NRCAM: variants seen among roughly 807,000 people sequenced by gnomAD.
NRCAM encodes NgCAM-related cell adhesion molecule.
A neutral mutation model predicts 156.5 loss-of-function variants in NRCAM; 83 were observed. The observed-to-expected ratio is 0.53, with a 90% CI of 0.44 to 0.64. The LOEUF is 0.64. NRCAM is among the 30% of genes least tolerant of loss of function. The pLI is 0.00. For missense variants in NRCAM, 1,417 were observed against 1,597.3 expected, an observed-to-expected ratio of 0.89 and a Z score of 1.92; for synonymous variants, 538 against 563.9, an observed-to-expected ratio of 0.95 and a Z score of 0.65.
intron 1 of NRCAM, among the ~76,000 whole-genome samples, chr7:108,411,435 T>A (rs936320253): frequency 2.0e-5 from 3 of 152,326 alleles, no homozygotes; most frequent in East Asian, 3.9e-4. Flanking sequence ...TCTCTATAAC[T>A]GGGTTGATGT....
intron 3 of NRCAM, among the ~76,000 whole-genome samples, chr7:108,301,646 G>C (rs920949192): frequency 6.6e-6 from 1 of 151,950 alleles, no homozygotes; most frequent in Non-Finnish European, 1.5e-5. Context: ...GAAGTAGAAG[G>C]GAAATTAGAT....
chr7:108,181,948 G>A lies in NRCAM; in HGVS notation c.2531-11C>T, dbSNP rs748673749. 1 of 1,573,306 alleles carries A rather than the reference G, an allele frequency of 6.4e-7. No homozygotes were observed. The highest frequency in any genetic ancestry group is 8.7e-7 in the Non-Finnish European group (1 of 1,143,814). On this transcript the variant is annotated splice_polypyrimidine_tract_variant and intron_variant, in intron 23 of 32. Transcript: ENST00000379028. Reference sequence around the variant, plus strand: ...GAGCCACCATTGGGACTAGGAAAAGGACAGGGAAGTGGTAGAAGTATCAAT... The same window carrying A: ...GAGCCACCATTGGGACTAGGAAAAGAACAGGGAAGTGGTAGAAGTATCAAT...
At chr7:108,383,169 C>T (rs2099709686) in intron 2 of NRCAM, among the ~76,000 whole-genome samples, 1 of 151,642 alleles carries the variant, frequency 6.6e-6, no homozygotes, top group Non-Finnish European at 1.5e-5. Context: ...TTGGTGTTGC[C>T]TAGGCAAACA....
Position 108,175,315 on chromosome 7 carries a change from A to G in NRCAM, c.3187+7T>C. ...ATGTATAAAGTCATGCAGATGAATT[A>G]TTTTACCTTTGCCTGCACCTACATC... On this transcript the variant is annotated splice_region_variant and intron_variant, in intron 28 of 32. Transcript: ENST00000379028. The G allele has an allele frequency of 1.3e-6, 2 of 1,556,396 alleles. No homozygotes were observed. Among genetic ancestry groups the G allele is most frequent in the Non-Finnish European group, 8.7e-7 (1 of 1,149,314 alleles).
chr7:108,345,969 A>C (rs1233692899), intron 2 of NRCAM, among the ~76,000 whole-genome samples: 3 of 152,228 alleles, frequency 2.0e-5, no homozygotes, highest in African/African-American at 7.2e-5. Context: ...TGTGGGCTGT[A>C]GGAGCCTCTG....
chr7:108,277,744 C>T (rs1181545905), intron 3 of NRCAM, among the ~76,000 whole-genome samples: 1 of 152,072 alleles, frequency 6.6e-6, no homozygotes, highest in African/African-American at 2.4e-5. Context: ...TCTGTCAACT[C>T]GTCAAACTCA....
intron 32 of NRCAM, among the ~76,000 whole-genome samples, chr7:108,151,076 A>G (rs2150891163): frequency 1.3e-5 from 2 of 152,216 alleles, no homozygotes; most frequent in Non-Finnish European, 2.9e-5. Context: ...CATTATTACA[A>G]TTTTTGCTTA....
intron 2 of NRCAM, among the ~76,000 whole-genome samples, chr7:108,392,087 G>A (rs1183098572): frequency 6.6e-6 from 1 of 152,142 alleles, no homozygotes; most frequent in East Asian, 1.9e-4. Flanking sequence ...TCTTTGTGGT[G>A]TTCTCTGTAT....
intron 1 of NRCAM, among the ~76,000 whole-genome samples, chr7:108,403,107 T>C (rs1455649106): frequency 6.6e-6 from 1 of 152,222 alleles, no homozygotes; most frequent in Non-Finnish European, 1.5e-5. Context: ...CCCAAATTCA[T>C]ACAGACTAAG....
At chr7:108,294,220 T>TTC (rs2098405366) in intron 3 of NRCAM, among the ~76,000 whole-genome samples, 1 of 111,662 alleles carries the variant, frequency 9.0e-6, no homozygotes, top group Non-Finnish European at 1.9e-5. Flanking sequence ...TTTTTTTTTT[T>TTC]CCTTTTTTGA....
At chr7:108,273,421 CTT>C (rs1378055918) in intron 3 of NRCAM, among the ~76,000 whole-genome samples, 3 of 152,152 alleles carry the variant, frequency 2.0e-5, no homozygotes, top group African/African-American at 7.2e-5. Flanking sequence ...TGTTTCCTGA[CTT>C]TTTAATGATC....
At chr7:108,210,585 T>C (rs1236394772) in intron 11 of NRCAM, among the ~76,000 whole-genome samples, 7 of 152,292 alleles carry the variant, frequency 4.6e-5, no homozygotes, top group African/African-American at 1.2e-4. Flanking sequence ...TGGAGACAGA[T>C]GAAAAGTCAG....
At chr7:108,455,673 G>C (rs891295971) in intron 1 of NRCAM, among the ~76,000 whole-genome samples, 1 of 152,306 alleles carries the variant, frequency 6.6e-6, no homozygotes, top group East Asian at 1.9e-4. Context: ...CGAACTCCGT[G>C]GTCAGCACAG....
rs957584831 is a variant in NRCAM at position 108,234,529 on chromosome 7, G to A, written c.230+54C>T. 38 of 1,084,052 alleles carry A rather than the reference G, an allele frequency of 3.5e-5. No individual in the cohort carries two copies. The African/African-American group carries it at 4.4e-4, about 13-fold the overall frequency. 67.2% of individuals were successfully genotyped at this position (1,084,052 alleles called of 1,614,324 possible). On this transcript the variant is annotated intron_variant, in intron 6 of 32. Coordinates refer to ENST00000379028, the MANE Select transcript of NRCAM (RefSeq NM_001037132.4). ...ATTCCCAAACATATTTCTCTATTCA[G>A]AGAGATTTCCTGATTTATTCTCAGT...
chr7:108,187,717 C>T (rs1040435251), intron 20 of NRCAM, among the ~76,000 whole-genome samples: 3 of 151,776 alleles, frequency 2.0e-5, no homozygotes, highest in Non-Finnish European at 4.4e-5. Flanking sequence ...TTTGGGAGGC[C>T]GAGGCGGGTG....
chr7:108,179,845 T>C (rs757316947), intron 25 of NRCAM, among the ~76,000 whole-genome samples: 7 of 152,242 alleles, frequency 4.6e-5, no homozygotes, highest in Non-Finnish European at 7.3e-5. Context: ...TGTTAGGTTA[T>C]CTAATTTGGT....
chr7:108,176,775 T>C, intron 26 of NRCAM, 169 bp from the exon 27 acceptor site: 1 of 578,630 alleles, frequency 1.7e-6, no homozygotes, highest in Non-Finnish European at 3.0e-6. Context: ...ACAGCTCCTA[T>C]GCTATGTTCT....
intron 2 of NRCAM, among the ~76,000 whole-genome samples, chr7:108,353,830 T>C (rs889037881): frequency 2.0e-5 from 3 of 152,274 alleles, no homozygotes; most frequent in African/African-American, 7.2e-5. Context: ...ACAAGCAATG[T>C]TGCTTTTGAT....
chr7:108,439,737 G>A (rs1049187390), intron 1 of NRCAM, among the ~76,000 whole-genome samples: 10 of 150,628 alleles, frequency 6.6e-5, no homozygotes, highest in Admixed American at 5.3e-4. Context: ...GGGAGGCTGA[G>A]GCAGGAGAAT....
Sources: allele counts gnomAD v4.1 joint callset (sites outside exome capture counted in the v4.1 genomes callset), GRCh38; gene constraint gnomAD v4.1.1; transcripts MANE v1.5; gene names NCBI Gene and HGNC (gene_info 2026-07-23, HGNC 2026-07-21).